The following PPP2R2B variants were observed in gnomAD, a reference collection of about 807,000 sequenced individuals.
The protein encoded by PPP2R2B is serine/threonine-protein phosphatase 2A 55 kDa regulatory subunit B beta isoform.
A neutral mutation model predicts 46.0 loss-of-function variants in PPP2R2B; 5 were observed. The ratio of observed to expected loss-of-function variants is 0.11; its 90% CI spans 0.06 to 0.23. The LOEUF is 0.23. Among genes scored for constraint, PPP2R2B ranks in the 10% least tolerant of loss-of-function variants. The pLI is 1.00. For missense variants in PPP2R2B, 367 were observed against 575.0 expected (o/e 0.64, Z 3.70); for synonymous variants, 215 against 206.7 (o/e 1.04, Z -0.34).
At chr5:147,077,305 CACACA>C (rs1561616418) in intron 2 of PPP2R2B, among the ~76,000 whole-genome samples, 84 of 143,044 alleles carry the variant, frequency 5.9e-4, no homozygotes, top group African/African-American at 2.3e-3. Context: ...CACACACACA[CACACA>C]CCCACACCCA....
chr5:146,694,937 T>C (rs1020592411), intron 4 of PPP2R2B, among the ~76,000 whole-genome samples: 1 of 152,132 alleles, frequency 6.6e-6, no homozygotes, highest in Non-Finnish European at 1.5e-5. Context: ...TTTATAGGGA[T>C]AGAATATATT....
chr5:147,037,709 T>G (rs1245052158), intron 1 of PPP2R2B, among the ~76,000 whole-genome samples: 1 of 152,060 alleles, frequency 6.6e-6, no homozygotes, highest in Non-Finnish European at 1.5e-5. Flanking sequence ...GAGGGATGAG[T>G]CAGACTGGGA....
At chr5:146,846,340 C>T (rs1332365443) in intron 2 of PPP2R2B, among the ~76,000 whole-genome samples, 2 of 149,614 alleles carry the variant, frequency 1.3e-5, no homozygotes, top group African/African-American at 2.5e-5. Context: ...GATTGCGCCA[C>T]CACACTCCAG....
At chr5:146,922,765 T>C (rs1360119950) in intron 1 of PPP2R2B, among the ~76,000 whole-genome samples, 1 of 152,118 alleles carries the variant, frequency 6.6e-6, no homozygotes, top group Non-Finnish European at 1.5e-5. Context: ...GCACATCCCA[T>C]TGGCTTTGCT....
At chr5:147,030,099 T>C (rs1266330935) in intron 1 of PPP2R2B, among the ~76,000 whole-genome samples, 1 of 152,190 alleles carries the variant, frequency 6.6e-6, no homozygotes, top group Non-Finnish European at 1.5e-5. Context: ...AATAAACAAC[T>C]TTACAATATT....
intron 2 of PPP2R2B, among the ~76,000 whole-genome samples, chr5:146,776,448 C>G (rs1179232116): frequency 2.6e-5 from 4 of 152,018 alleles, no homozygotes; most frequent in African/African-American, 4.8e-5. Flanking sequence ...CAGACATCCA[C>G]ATTCAAAAGA....
chr5:146,606,336 T>A (rs1772267403), intron 7 of PPP2R2B, among the ~76,000 whole-genome samples: 1 of 152,168 alleles, frequency 6.6e-6, no homozygotes, highest in Non-Finnish European at 1.5e-5. Flanking sequence ...TAACAGCTGA[T>A]CCTGAAGGCC....
chr5:146,913,386 T>C (rs1409906971), intron 1 of PPP2R2B, among the ~76,000 whole-genome samples: 1 of 152,170 alleles, frequency 6.6e-6, no homozygotes, highest in Non-Finnish European at 1.5e-5. Context: ...CTGGCCATCT[T>C]AGCCCACACT....
At chr5:146,851,053 C>T (rs1330535026) in intron 2 of PPP2R2B, among the ~76,000 whole-genome samples, 1 of 151,990 alleles carries the variant, frequency 6.6e-6, no homozygotes, top group Non-Finnish European at 1.5e-5. Flanking sequence ...AACATGAGGT[C>T]CTTTTTATCA....
intron 2 of PPP2R2B, among the ~76,000 whole-genome samples, chr5:146,747,154 G>C (rs1465046369): frequency 1.3e-5 from 2 of 152,106 alleles, no homozygotes; most frequent in Non-Finnish European, 2.9e-5. Flanking sequence ...GAAAAAAAAG[G>C]TCCAGTACCC....
At chr5:146,902,704 T>A (rs1390583432) in intron 1 of PPP2R2B, among the ~76,000 whole-genome samples, 1 of 152,224 alleles carries the variant, frequency 6.6e-6, no homozygotes, top group African/African-American at 2.4e-5. Context: ...CCATCTGTGG[T>A]TCCCCAGTGC....
At chr5:146,603,514 C>T (rs191628582) in intron 7 of PPP2R2B, among the ~76,000 whole-genome samples, 49 of 152,308 alleles carry the variant, frequency 3.2e-4, no homozygotes, top group Middle Eastern at 3.4e-3. Flanking sequence ...TTCAATCAAC[C>T]TACCACCATT....
At chr5:146,853,924 T>C (rs535047177) in intron 2 of PPP2R2B, among the ~76,000 whole-genome samples, 2 of 152,132 alleles carry the variant, frequency 1.3e-5, no homozygotes, top group Non-Finnish European at 2.9e-5. Context: ...AGCCCTCTTA[T>C]GTCATTTCAC....
chr5:146,821,273 ACTCTT>A (rs1758245939), intron 2 of PPP2R2B, among the ~76,000 whole-genome samples: 1 of 151,740 alleles, frequency 6.6e-6, no homozygotes, highest in Admixed American at 6.6e-5. Context: ...TTAATACCAT[ACTCTT>A]CTCTCCCATT....
chr5:146,865,853 A>C (rs943478921), intron 2 of PPP2R2B, among the ~76,000 whole-genome samples: 9 of 152,116 alleles, frequency 5.9e-5, no homozygotes, highest in South Asian at 2.1e-4. Context: ...ACCCATCTCT[A>C]CCTGCCAGCA....
intron 2 of PPP2R2B, among the ~76,000 whole-genome samples, chr5:146,871,564 G>A (rs1007475634): frequency 6.6e-6 from 1 of 152,228 alleles, no homozygotes; most frequent in Non-Finnish European, 1.5e-5. Context: ...CTGTTACTGG[G>A]TCGTAGAATT....
intron 8 of PPP2R2B, among the ~76,000 whole-genome samples, chr5:146,594,848 G>A (rs1345301834): frequency 6.6e-6 from 1 of 152,148 alleles, no homozygotes. Flanking sequence ...GAAAGCAGAG[G>A]GAGGCTACCA....
chr5:146,936,916 A>G (rs1764163785), intron 1 of PPP2R2B, among the ~76,000 whole-genome samples: 1 of 151,522 alleles, frequency 6.6e-6, no homozygotes, highest in Non-Finnish European at 1.5e-5. Flanking sequence ...CCCTGTACTA[A>G]ATGCTTCATA....
intron 2 of PPP2R2B, among the ~76,000 whole-genome samples, chr5:146,775,747 G>A (rs568039368): frequency 9.2e-5 from 14 of 152,054 alleles, no homozygotes; most frequent in African/African-American, 2.9e-4. Context: ...ACACACACAC[G>A]CAAATCTGTC....
Sources: gnomAD v4.1 joint callset for allele counts (sites outside exome capture counted in the v4.1 genomes callset) on GRCh38, gnomAD v4.1.1 for gene constraint, MANE v1.5 for transcripts, NCBI Gene and HGNC (gene_info 2026-07-23, HGNC 2026-07-21) for gene names.